The following OSBP2 variants were observed in gnomAD, a reference collection of about 807,000 sequenced individuals.
OSBP2 encodes oxysterol binding protein 2, also known as oxysterol-binding protein 2.
In OSBP2, 66 loss-of-function variants were observed where a neutral mutation model predicts 96.0. The ratio of observed to expected loss-of-function variants is 0.69; its 90% CI spans 0.56 to 0.84. The LOEUF is 0.84. OSBP2 is among the 40% of genes least tolerant of loss of function. The pLI is 0.00. For synonymous variants in OSBP2, 525 were observed against 520.9 expected, an observed-to-expected ratio of 1.01 and a Z score of -0.11; for missense variants, 1,038 against 1,222.7, an observed-to-expected ratio of 0.85 and a Z score of 2.25.
intron 2 of OSBP2, chr22:30,764,514 C>T: frequency 2.1e-6 from 1 of 471,502 alleles, no homozygotes; most frequent in African/African-American, 2.1e-5. Context: ...ACCCTGCTGC[C>T]TGTGTGCCTG....
intron 12 of OSBP2, chr22:30,902,100 A>G: frequency 2.3e-6 from 1 of 433,636 alleles, no homozygotes; most frequent in East Asian, 3.5e-5. Context: ...GGTAAATCTT[A>G]GCAATATAAG....
chr22:30,828,385 C>T (rs746563803), intron 2 of OSBP2, among the ~76,000 whole-genome samples: 36 of 152,226 alleles, frequency 2.4e-4, no homozygotes, highest in Non-Finnish European at 4.1e-4. Context: ...CAGAGCCCAG[C>T]TCACCTCATC....
At chr22:30,835,282 C>A (rs974948087) in intron 2 of OSBP2, among the ~76,000 whole-genome samples, 10 of 151,946 alleles carry the variant, frequency 6.6e-5, no homozygotes, top group Admixed American at 6.6e-4. Context: ...AGTTTTAGTT[C>A]TTGCATTTAG....
chr22:30,833,122 A>G (rs781575422), intron 2 of OSBP2, among the ~76,000 whole-genome samples: 1 of 152,160 alleles, frequency 6.6e-6, no homozygotes, highest in African/African-American at 2.4e-5. Context: ...CTAGACTGTC[A>G]CTGTCAGATG....
In OSBP2 at chr22:30,870,010, AAGG is replaced by A. The variant is rs990786689; in HGVS notation, c.854-416_854-414del. 7.2e-5 allele frequency among the ~76,000 whole-genome samples: 11 copies of A among 152,200 alleles called. No homozygotes were observed. The highest frequency in any genetic ancestry group is 2.4e-4 in the African/African-American group (10 of 41,454). On this transcript the variant is annotated intron_variant, in intron 2 of 13. Transcript: ENST00000332585. This position sits in a 1 kb window ranked among gnomAD's most constrained non-coding sequence, Gnocchi z 4.1. The stretch of plus-strand genomic sequence containing the variant: ...TTGGGGTAGGCCTGCGATGCTGAGA[AAGG>A]AGCCCAGGCTCCATTCTGGGGGCCT...
chr22:30,887,541 A>G lies in OSBP2; in HGVS notation c.1223A>G (p.Lys408Arg). Residue 408 changes from lysine (K) to arginine (R), a missense_variant, in exon 4 of 14, where the codon AAG (lysine) becomes AGG (arginine). This residue lies in a region of OSBP2 where 737 missense variants were observed against 913.3 expected (regional missense o/e 0.81). Coordinates refer to ENST00000332585, the MANE Select transcript of OSBP2 (RefSeq NM_030758.4). ...GAGGAAACCATTGAGCAGCTGGCGA[A>G]GCAGCACAACAGCCTCGAGCGGGCC... is the stretch of plus-strand genomic sequence containing the variant. ...HLEETIEQLA[K>R]QHNSLERAFH... 1 of 1,613,582 alleles carries G rather than the reference A, an allele frequency of 6.2e-7. No individual in the cohort carries two copies.
rs2038708204 is a variant in OSBP2 at position 30,839,693 on chromosome 22, G to GT, written c.854-30729dup. Among the ~76,000 whole-genome samples the GT allele has an allele frequency of 3.7e-5, 5 of 134,596 alleles. No homozygotes were observed. In the South Asian group the frequency reaches 1.1e-3, roughly 29 times the overall value. 88.3% of individuals were successfully genotyped at this position (134,596 alleles called of 152,430 possible). On this transcript the variant is annotated intron_variant, in intron 2 of 13. Transcript: ENST00000332585. ...CCTTTGCCCACTTTTTGATGGGGTT[G>GT]TTTTTTTCTTGTAAATTTGTTTGAG...
intron 2 of OSBP2, among the ~76,000 whole-genome samples, chr22:30,798,952 T>C (rs2090805797): frequency 6.6e-6 from 1 of 151,776 alleles, no homozygotes; most frequent in South Asian, 2.1e-4. Context: ...AGGCGGAGGT[T>C]TCAGTGAGTT....
chr22:30,748,021 C>A (rs1242095492), intron 2 of OSBP2, among the ~76,000 whole-genome samples: 1 of 151,298 alleles, frequency 6.6e-6, no homozygotes, highest in Non-Finnish European at 1.5e-5. Context: ...GGACTACAGG[C>A]ACCCACCACC....
At chr22:30,730,811 T>TTTATTATTA (rs2089765902) in intron 1 of OSBP2, among the ~76,000 whole-genome samples, 1 of 69,556 alleles carries the variant, frequency 1.4e-5, no homozygotes, top group Non-Finnish European at 2.5e-5. Flanking sequence ...TATATATAAT[T>TTTATTATTA]TTTTTTTTTT....
chr22:30,743,285 G>A (rs2089962876), intron 2 of OSBP2, among the ~76,000 whole-genome samples: 1 of 152,222 alleles, frequency 6.6e-6, no homozygotes, highest in Non-Finnish European at 1.5e-5. Context: ...CTGTCTCCCA[G>A]CTCTAGGGTC....
chr22:30,889,352 G>A, intron 6 of OSBP2, 118 bp downstream of exon 6: 1 of 1,403,330 alleles, frequency 7.1e-7, no homozygotes. Context: ...CAGTCCAGGA[G>A]CACCATCCTG....
intron 2 of OSBP2, among the ~76,000 whole-genome samples, chr22:30,750,673 A>G (rs754760164): frequency 3.9e-5 from 6 of 152,220 alleles, no homozygotes; most frequent in Non-Finnish European, 7.3e-5. Context: ...CATCTGCGTG[A>G]TAAAACTTTG....
At chr22:30,790,107 G>A (rs977406074) in intron 2 of OSBP2, among the ~76,000 whole-genome samples, 2 of 152,118 alleles carry the variant, frequency 1.3e-5, no homozygotes, top group African/African-American at 4.8e-5. Context: ...GTCAGCAGAT[G>A]GGTTTTGTTG....
At chr22:30,844,031 T>C (rs1247798076) in intron 2 of OSBP2, among the ~76,000 whole-genome samples, 1 of 152,088 alleles carries the variant, frequency 6.6e-6, no homozygotes, top group Non-Finnish European at 1.5e-5. Flanking sequence ...TACACCAACA[T>C]GCCCAGCTTA....
chr22:30,769,139 G>C (rs1005543392), intron 2 of OSBP2, among the ~76,000 whole-genome samples: 1 of 152,220 alleles, frequency 6.6e-6, no homozygotes, highest in East Asian at 1.9e-4. Flanking sequence ...CCCTCGGTCA[G>C]TTTGCTGAAT....
intron 12 of OSBP2, among the ~76,000 whole-genome samples, chr22:30,898,692 C>T (rs926638280): frequency 1.3e-5 from 2 of 151,916 alleles, no homozygotes; most frequent in African/African-American, 4.8e-5. Flanking sequence ...CAATCACCTC[C>T]CACCCGGTCC....
chr22:30,863,736 C>T (rs1349202797), intron 2 of OSBP2, among the ~76,000 whole-genome samples: 3 of 152,172 alleles, frequency 2.0e-5, no homozygotes, highest in African/African-American at 4.8e-5. Flanking sequence ...ACACTGTGGG[C>T]CCGAGGGAGG....
intron 2 of OSBP2, among the ~76,000 whole-genome samples, chr22:30,824,928 G>A (rs1320766735): frequency 1.3e-5 from 2 of 152,184 alleles, no homozygotes; most frequent in East Asian, 3.9e-4. Flanking sequence ...GCTGTCAGGA[G>A]CCTGGCTTCT....
Sources: gnomAD v4.1 joint callset for allele counts (sites outside exome capture counted in the v4.1 genomes callset) on GRCh38, gnomAD v4.1.1 for gene constraint, gnomAD v4.1.1 regional missense constraint, Gnocchi (gnomAD v3.1) non-coding constraint, MANE v1.5 for transcripts, NCBI Gene and HGNC (gene_info 2026-07-23, HGNC 2026-07-21) for gene names.